DNER: variants seen among roughly 807,000 people sequenced by gnomAD.
DNER encodes delta/notch like EGF repeat containing, also known as delta and Notch-like epidermal growth factor-related receptor.
In DNER, 33 loss-of-function variants were observed where a neutral mutation model predicts 78.2. That is an observed-to-expected ratio of 0.42 (90% confidence interval 0.32 to 0.56). The LOEUF is 0.56. DNER is among the 20% of genes least tolerant of loss of function. DNER has a pLI of 0.11. For missense variants in DNER, 918 were observed against 975.3 expected, an observed-to-expected ratio of 0.94 and a Z score of 0.78; for synonymous variants, 417 against 384.8, an observed-to-expected ratio of 1.08 and a Z score of -0.98.
intron 7 of DNER, 128 bp from the exon 8 acceptor site, chr2:229,447,668 C>A: frequency 1.9e-6 from 2 of 1,058,184 alleles, no homozygotes; most frequent in South Asian, 3.2e-5. Context: ...TATGTCACAA[C>A]CCAACAAGAT....
chr2:229,671,738 G>A (rs1699212558), intron 1 of DNER, among the ~76,000 whole-genome samples: 1 of 152,174 alleles, frequency 6.6e-6, no homozygotes, highest in South Asian at 2.1e-4. Flanking sequence ...CGGGCTCTGG[G>A]ACCAAGCTGT....
intron 4 of DNER, among the ~76,000 whole-genome samples, chr2:229,548,843 A>T (rs910293019): frequency 6.6e-6 from 1 of 152,230 alleles, no homozygotes; most frequent in Non-Finnish European, 1.5e-5. Context: ...GATTTATTAA[A>T]CAAGGGCAAA....
At chr2:229,533,915 G>A (rs1696354847) in intron 5 of DNER, among the ~76,000 whole-genome samples, 1 of 152,212 alleles carries the variant, frequency 6.6e-6, no homozygotes, top group African/African-American at 2.4e-5. Flanking sequence ...AATACTTAAA[G>A]ACTTTTCTGA....
intron 6 of DNER, among the ~76,000 whole-genome samples, chr2:229,480,333 A>G (rs909789210): frequency 6.6e-6 from 1 of 152,196 alleles, no homozygotes; most frequent in Non-Finnish European, 1.5e-5. Flanking sequence ...ATATTTCAGT[A>G]TGCATTTCTA....
At chr2:229,444,246 C>T (rs767580622) in intron 8 of DNER, among the ~76,000 whole-genome samples, 7 of 152,154 alleles carry the variant, frequency 4.6e-5, no homozygotes, top group Non-Finnish European at 8.8e-5. Context: ...GGAATCTCCA[C>T]GGACAGAAAG....
At chr2:229,369,475 A>G (rs1014504000) in intron 11 of DNER, among the ~76,000 whole-genome samples, 2 of 152,030 alleles carry the variant, frequency 1.3e-5, no homozygotes, top group African/African-American at 2.4e-5. Context: ...TCAACTTTCT[A>G]AAAAGTTAAA....
chr2:229,447,688 G>T (rs554153670), intron 7 of DNER, 148 bp from the exon 8 acceptor site: 74 of 866,378 alleles, frequency 8.5e-5, no homozygotes, highest in Middle Eastern at 3.5e-4. Context: ...TAGGTAGGTT[G>T]TTTTTCCCAC....
chr2:229,612,070 C>T (rs367834701), intron 1 of DNER, among the ~76,000 whole-genome samples: 41 of 152,296 alleles, frequency 2.7e-4, no homozygotes, highest in African/African-American at 7.0e-4. Context: ...TGGAGTCAAG[C>T]GCTGCTAGAG....
chr2:229,443,743 T>C (rs1363359406), intron 8 of DNER, among the ~76,000 whole-genome samples: 2 of 152,348 alleles, frequency 1.3e-5, no homozygotes, highest in East Asian at 3.9e-4. Flanking sequence ...TGCTGCTCCA[T>C]AGCTAGATGC....
rs572997062 is a variant in DNER, at chr2:229,631,540, C to A, written c.277-39652G>T. Reference sequence around the variant, plus strand: ...AGATCAGAAGAAAGAAAATGGAAGACTTCTTACTTTATGTACTCCTGCATA... The same window carrying A: ...AGATCAGAAGAAAGAAAATGGAAGAATTCTTACTTTATGTACTCCTGCATA... On this transcript the variant is annotated intron_variant, in intron 1 of 12. Transcript: ENST00000341772. 3.0e-4 allele frequency among the ~76,000 whole-genome samples: 46 copies of A among 152,262 alleles called. No homozygotes were observed. The South Asian group carries it at 7.9e-3, about 26-fold the overall frequency.
At chr2:229,692,270 T>C (rs1378590851) in intron 1 of DNER, among the ~76,000 whole-genome samples, 1 of 152,212 alleles carries the variant, frequency 6.6e-6, no homozygotes, top group Non-Finnish European at 1.5e-5. Context: ...AACTCTAAGA[T>C]GACAAAATTA....
intron 1 of DNER, among the ~76,000 whole-genome samples, chr2:229,635,595 A>T (rs1210105674): frequency 1.3e-5 from 2 of 152,160 alleles, no homozygotes; most frequent in Non-Finnish European, 2.9e-5. Flanking sequence ...AGCCCATAGC[A>T]TAATTGGAAT....
chr2:229,512,897 T>C lies in DNER; in HGVS notation c.1033A>G (p.Thr345Ala), dbSNP rs1378970031. The change falls in exon 6 of 13, where the codon ACT becomes GCT. Residue 345 changes from threonine to alanine, a missense_variant. Transcript: ENST00000341772. ...CAAGCATCGTATTCTTCACAGAAAG[T>C]ACCCACGTACTGCTCCTCACAGGTA... ...SCTCEEQYVG[T>A]FCEEYDACQR... 6.8e-6 allele frequency: 11 copies of C among 1,614,148 alleles called. No homozygotes were observed. The highest frequency in any genetic ancestry group is 9.3e-6 in the Non-Finnish European group (11 of 1,180,008).
At chr2:229,576,431 C>A (rs1336826360) in intron 4 of DNER, among the ~76,000 whole-genome samples, 1 of 150,590 alleles carries the variant, frequency 6.6e-6, no homozygotes, top group African/African-American at 2.4e-5. Flanking sequence ...TTGTGAAAAC[C>A]TACAAATAAT....
intron 1 of DNER, among the ~76,000 whole-genome samples, chr2:229,687,263 C>CTTTTT (rs555202828): frequency 2.3e-5 from 3 of 127,738 alleles, no homozygotes; most frequent in Non-Finnish European, 4.9e-5. Flanking sequence ...TTTCCAACTT[C>CTTTTT]TTTTTTTTTT....
At chr2:229,564,261 TCATCATCATCCTCCTCACCCCATCAC>T (rs1446686403) in intron 4 of DNER, among the ~76,000 whole-genome samples, 5 of 144,304 alleles carry the variant, frequency 3.5e-5, no homozygotes, top group Admixed American at 6.9e-5. Flanking sequence ...AGCATCACCA[TCATCATCATCCTCCTCACCCCATCAC>T]CATCATCATC....
chr2:229,692,874 A>G (rs890098460), intron 1 of DNER, among the ~76,000 whole-genome samples: 1 of 151,830 alleles, frequency 6.6e-6, no homozygotes, highest in African/African-American at 2.4e-5. Context: ...AGAAATAACT[A>G]TATGTAATAT....
At chr2:229,378,233 T>G (rs1692652154) in intron 11 of DNER, among the ~76,000 whole-genome samples, 1 of 152,184 alleles carries the variant, frequency 6.6e-6, no homozygotes, top group African/African-American at 2.4e-5. Context: ...CACTTTTGCC[T>G]TCCAGAACTG....
intron 1 of DNER, among the ~76,000 whole-genome samples, chr2:229,594,407 C>A (rs1444206258): frequency 1.3e-5 from 2 of 152,092 alleles, no homozygotes; most frequent in Non-Finnish European, 2.9e-5. Context: ...GCCAACATGG[C>A]AAAGCCTCAT....
Sources: allele counts gnomAD v4.1 joint callset (sites outside exome capture counted in the v4.1 genomes callset), GRCh38; gene constraint gnomAD v4.1.1; transcripts MANE v1.5; gene names NCBI Gene and HGNC (gene_info 2026-07-23, HGNC 2026-07-21).